The following CCDC12 variants were observed in gnomAD, a reference collection of about 807,000 sequenced individuals.
CCDC12 encodes coiled-coil domain-containing protein 12.
CCDC12 carries 28 observed loss-of-function variants against 25.7 expected under a neutral mutation model. The ratio of observed to expected loss-of-function variants is 1.09; its 90% CI spans 0.81 to 1.50. The LOEUF (loss-of-function observed/expected upper bound fraction) is 1.50. Ranked by LOEUF, CCDC12 falls within the 40% of genes most tolerant of loss-of-function variation. The probability of loss-of-function intolerance (pLI) is 0.00; values close to 1 mark genes in which losing one functional copy is unlikely to be tolerated. For missense variants in CCDC12, 198 were observed against 210.0 expected (o/e 0.94, Z 0.35); for synonymous variants, 75 against 87.7 (o/e 0.86, Z 0.81).
intron 2 of CCDC12, among the ~76,000 whole-genome samples, chr3:46,938,545 G>GTTT (rs1274230265): frequency 0.042 from 5,600 of 132,948 alleles, no homozygotes; most frequent in Non-Finnish European, 0.056. Context: ...TTTTTTTTTG[G>GTTT]TACAACAAAA....
intron 1 of CCDC12, among the ~76,000 whole-genome samples, chr3:46,972,477 C>A (rs2034833021): frequency 6.6e-6 from 1 of 151,966 alleles, no homozygotes; most frequent in Non-Finnish European, 1.5e-5. Context: ...AAAATATGGG[C>A]AAAAGGAATC....
intron 2 of CCDC12, among the ~76,000 whole-genome samples, chr3:46,936,100 C>A (rs2033430896): frequency 6.6e-6 from 1 of 152,200 alleles, no homozygotes; most frequent in African/African-American, 2.4e-5. Context: ...TCCCTCCAAT[C>A]CTGCTGGATT....
intron 4 of CCDC12, 97 bp downstream of exon 4, chr3:46,923,510 G>A (rs770379683): frequency 2.1e-6 from 3 of 1,460,820 alleles, no homozygotes; most frequent in Non-Finnish European, 2.8e-6. Context: ...GAATAAAGAA[G>A]TGACGAGAAG....
intron 3 of CCDC12, 39 bp from the exon 4 acceptor site, chr3:46,923,707 C>T (rs2290546): frequency 1.4e-6 from 2 of 1,447,126 alleles, no homozygotes; most frequent in Non-Finnish European, 1.8e-6. Flanking sequence ...CTGTGGAAAA[C>T]GCGCTGCCAC....
At chr3:46,938,830 TG>T (rs1247384431) in intron 2 of CCDC12, among the ~76,000 whole-genome samples, 1 of 151,610 alleles carries the variant, frequency 6.6e-6, no homozygotes, top group Admixed American at 6.6e-5. Flanking sequence ...CCAGCCTGGG[TG>T]ACAGAGCGAG....
rs535671013 is a variant in CCDC12 at position 46,958,513 on chromosome 3, T to A, written c.97-17448A>T. 3.4e-4 allele frequency among the ~76,000 whole-genome samples: 52 copies of A among 152,278 alleles called. No homozygotes were observed. In the South Asian group the frequency reaches 0.01, roughly 30 times the overall value. ...AGCTGCAGAAATAAAAAAAACTCCC[T>A]TCTCTCCCAGTTCATCTGCATCTCG... On this transcript the variant is annotated intron_variant, in intron 1 of 6. Transcript: ENST00000683445.
intron 1 of CCDC12, among the ~76,000 whole-genome samples, chr3:46,946,165 C>T (rs1214650655): frequency 6.6e-6 from 1 of 152,192 alleles, no homozygotes; most frequent in Non-Finnish European, 1.5e-5. Flanking sequence ...CCCCTTCCCA[C>T]CCACAGTAAG....
At chr3:46,946,459 C>G (rs2033910688) in intron 1 of CCDC12, among the ~76,000 whole-genome samples, 1 of 152,264 alleles carries the variant, frequency 6.6e-6, no homozygotes, top group African/African-American at 2.4e-5. Flanking sequence ...GAAGGCAGAG[C>G]ATTCCTGGGA....
At chr3:46,923,734 C>T in intron 3 of CCDC12, 66 bp from the exon 4 acceptor site, 1 of 1,312,714 alleles carries the variant, frequency 7.6e-7, no homozygotes, top group Non-Finnish European at 1.0e-6. Context: ...GGGACACTGC[C>T]TACCGTGGCC....
chr3:46,926,349 G>T (rs2032957939), intron 2 of CCDC12, among the ~76,000 whole-genome samples: 1 of 152,220 alleles, frequency 6.6e-6, no homozygotes, highest in Non-Finnish European at 1.5e-5. Context: ...ATGACCATGT[G>T]CAAGGCTGGG....
At chr3:46,936,833 C>T (rs1191108610) in intron 2 of CCDC12, among the ~76,000 whole-genome samples, 5 of 152,222 alleles carry the variant, frequency 3.3e-5, no homozygotes, top group African/African-American at 9.6e-5. Context: ...ATGGACCCTG[C>T]TCTCTGCCAG....
At chr3:46,975,400 A>T (rs1336487863) in intron 1 of CCDC12, among the ~76,000 whole-genome samples, 1 of 151,722 alleles carries the variant, frequency 6.6e-6, no homozygotes, top group Non-Finnish European at 1.5e-5. Context: ...GATCAGGCTG[A>T]TCTCGAACTC....
intron 1 of CCDC12, among the ~76,000 whole-genome samples, chr3:46,942,610 C>T (rs978247902): frequency 6.6e-6 from 1 of 152,224 alleles, no homozygotes; most frequent in Non-Finnish European, 1.5e-5. Flanking sequence ...TCCTTGGCCA[C>T]ACAACCTCCG....
At chr3:46,943,768 G>C (rs4683287) in intron 1 of CCDC12, among the ~76,000 whole-genome samples, 2,264 of 152,308 alleles carry the variant, frequency 0.015, 59 homozygotes, top group Admixed American at 0.043. Context: ...CTGGTGGGTG[G>C]GGGGCAGCAC....
At chr3:46,941,408 C>A (rs187571558) in intron 1 of CCDC12, among the ~76,000 whole-genome samples, 162 of 152,018 alleles carry the variant, frequency 1.1e-3, no homozygotes, top group African/African-American at 3.6e-3. Flanking sequence ...TAAAAACACA[C>A]AAAAAAATTA....
intron 1 of CCDC12, chr3:46,976,284 T>C (rs980113808): frequency 1.2e-5 from 14 of 1,124,942 alleles, no homozygotes; most frequent in East Asian, 1.2e-4. Context: ...AGCTAGGCCA[T>C]AGAGGAACGG....
intron 1 of CCDC12, among the ~76,000 whole-genome samples, chr3:46,954,461 A>G (rs1287531963): frequency 1.3e-5 from 2 of 152,306 alleles, no homozygotes; most frequent in Non-Finnish European, 2.9e-5. Flanking sequence ...CCCTGTTTAC[A>G]TCAATTCTGG....
chr3:46,954,375 A>C (rs938526484), intron 1 of CCDC12, among the ~76,000 whole-genome samples: 4 of 152,204 alleles, frequency 2.6e-5, no homozygotes, highest in Admixed American at 6.5e-5. Flanking sequence ...GACAGCAAGC[A>C]AGGACCTGAA....
intron 1 of CCDC12, among the ~76,000 whole-genome samples, chr3:46,972,448 A>T (rs1178970821): frequency 6.6e-6 from 1 of 152,248 alleles, no homozygotes; most frequent in Non-Finnish European, 1.5e-5. Context: ...ACTCAATAAC[A>T]AGAAAAAGAG....
Sources: allele counts gnomAD v4.1 joint callset (sites outside exome capture counted in the v4.1 genomes callset), GRCh38; gene constraint gnomAD v4.1.1; transcripts MANE v1.5; gene names NCBI Gene and HGNC (gene_info 2026-07-23, HGNC 2026-07-21).